Variants in FTCDNL1 observed in about 807,000 individuals in gnomAD.
FTCDNL1 encodes formiminotransferase N-terminal subdomain-containing protein.
Under a neutral mutation model 5.9 loss-of-function variants are expected in FTCDNL1, and 11 were observed. The ratio of observed to expected loss-of-function variants is 1.87; its 90% CI spans 1.18 to 3.10. The LOEUF is 3.10. FTCDNL1 is among the 30% of genes most tolerant of loss of function. The probability of loss-of-function intolerance (pLI) is 0.00; values close to 1 mark genes in which losing one functional copy is unlikely to be tolerated. For synonymous variants in FTCDNL1, 58 were observed against 24.8 expected, an observed-to-expected ratio of 2.34 and a Z score of -3.99; for missense variants, 115 against 65.5, an observed-to-expected ratio of 1.76 and a Z score of -2.61.
intron 3 of FTCDNL1, among the ~76,000 whole-genome samples, chr2:199,767,521 A>C (rs989219444): frequency 1.3e-5 from 2 of 152,212 alleles, no homozygotes; most frequent in Admixed American, 6.5e-5. Flanking sequence ...TCCAAGGTTC[A>C]TATGTTGGAA....
chr2:199,845,180 T>C (rs1574699778), intron 3 of FTCDNL1, among the ~76,000 whole-genome samples: 1 of 152,220 alleles, frequency 6.6e-6, no homozygotes, highest in African/African-American at 2.4e-5. Flanking sequence ...AGTTTTGTGA[T>C]ATTACTCTGA....
At chr2:199,707,532 T>G in the FTCDNL1 span, among the ~76,000 whole-genome samples, 1 of 152,112 alleles carries the variant, frequency 6.6e-6, no homozygotes. Context: ...TCCTCTTTCA[T>G]TCCTTATATT....
the FTCDNL1 span, among the ~76,000 whole-genome samples, chr2:199,730,852 C>A: frequency 6.6e-6 from 1 of 152,138 alleles, no homozygotes; most frequent in Non-Finnish European, 1.5e-5. Context: ...GGTATATACC[C>A]AAAGGATTAT....
the FTCDNL1 span, among the ~76,000 whole-genome samples, chr2:199,736,849 T>C: frequency 6.6e-6 from 1 of 152,146 alleles, no homozygotes; most frequent in Non-Finnish European, 1.5e-5. Context: ...ATTGAACTGG[T>C]AATTTGACTG....
At chr2:199,774,322 C>G (rs1333120890) in intron 3 of FTCDNL1, among the ~76,000 whole-genome samples, 2 of 152,204 alleles carry the variant, frequency 1.3e-5, no homozygotes, top group Admixed American at 6.5e-5. Flanking sequence ...AATTCAGCAT[C>G]TTCAGGATCC....
chr2:199,840,305 G>C (rs1470113991), intron 3 of FTCDNL1, among the ~76,000 whole-genome samples: 1 of 152,172 alleles, frequency 6.6e-6, no homozygotes, highest in African/African-American at 2.4e-5. Flanking sequence ...TCCAGCAAAA[G>C]TATAAAGTTA....
At chr2:199,721,071 G>A in the FTCDNL1 span, among the ~76,000 whole-genome samples, 1 of 152,100 alleles carries the variant, frequency 6.6e-6, no homozygotes, top group Non-Finnish European at 1.5e-5. Flanking sequence ...AATAAATACA[G>A]TTCATAAATT....
chr2:199,747,535 A>G, the FTCDNL1 span, among the ~76,000 whole-genome samples: 2 of 93,558 alleles, frequency 2.1e-5, no homozygotes, highest in Non-Finnish European at 4.2e-5. Flanking sequence ...CCCCCCTCCC[A>G]ATCATTTTAT....
chr2:199,829,144 G>A (rs1702211632), intron 3 of FTCDNL1, among the ~76,000 whole-genome samples: 1 of 152,124 alleles, frequency 6.6e-6, no homozygotes, highest in Non-Finnish European at 1.5e-5. Context: ...AAACAAAACT[G>A]CAGCTTCCTA....
At chr2:199,729,932 T>G in the FTCDNL1 span, among the ~76,000 whole-genome samples, 3 of 152,138 alleles carry the variant, frequency 2.0e-5, no homozygotes, top group Admixed American at 1.3e-4. Flanking sequence ...AGAGACATCA[T>G]GCTACCTGAC....
chr2:199,851,072 C>A lies in FTCDNL1; in HGVS notation c.-340G>T, dbSNP rs2076865420. ...TCTGCGGTTTGGGAGGGGAGCGGAC[C>A]TGCGAGCGCCGAAGGGCGGTGGGGC... On this transcript the variant is annotated 5_prime_UTR_variant, in exon 1 of 5. It adds an upstream start codon to the 5' untranslated region. Transcript: ENST00000420128. The A allele has an allele frequency of 6.8e-6, 1 of 147,868 alleles. No homozygotes were observed. The highest frequency in any genetic ancestry group is 1.5e-5 in the Non-Finnish European group (1 of 65,746). 9.2% of individuals were successfully genotyped at this position (147,868 alleles called of 1,614,324 possible). A position where few individuals can be genotyped will look rare whatever the true frequency, so the allele number is the denominator to read the frequency against.
At chr2:199,823,050 A>G (rs1701795531) in intron 3 of FTCDNL1, among the ~76,000 whole-genome samples, 1 of 152,136 alleles carries the variant, frequency 6.6e-6, no homozygotes, top group South Asian at 2.1e-4. Context: ...GGGTTTCACT[A>G]TGTTGGCCAG....
At chr2:199,676,127 A>G in the FTCDNL1 span, among the ~76,000 whole-genome samples, 1 of 152,162 alleles carries the variant, frequency 6.6e-6, no homozygotes, top group Non-Finnish European at 1.5e-5. Context: ...TCAGTCACAT[A>G]TAGCACCCAG....
chr2:199,688,154 C>A, the FTCDNL1 span, among the ~76,000 whole-genome samples: 1 of 147,924 alleles, frequency 6.8e-6, no homozygotes, highest in Non-Finnish European at 1.5e-5. Context: ...ATCGCTTCAA[C>A]CTTGGATCAG....
the FTCDNL1 span, among the ~76,000 whole-genome samples, chr2:199,675,092 C>T: frequency 1.8e-4 from 27 of 152,264 alleles, 1 homozygote; most frequent in East Asian, 5.0e-3. Flanking sequence ...CTATTGACCC[C>T]TTTTTGTCGA....
At chr2:199,807,964 G>A (rs1215405302), downstream of FTCDNL1, among the ~76,000 whole-genome samples, 1 of 152,082 alleles carries the variant, frequency 6.6e-6, no homozygotes, top group Admixed American at 6.6e-5. Flanking sequence ...GAATTATCGG[G>A]GGTGCATTTC....
At chr2:199,791,761 T>C (rs1029206980) in intron 3 of FTCDNL1, among the ~76,000 whole-genome samples, 3 of 152,228 alleles carry the variant, frequency 2.0e-5, no homozygotes, top group East Asian at 1.9e-4. Flanking sequence ...AAAGGACTAA[T>C]AGTATAAAGA....
chr2:199,741,268 C>T, the FTCDNL1 span, among the ~76,000 whole-genome samples: 2 of 151,992 alleles, frequency 1.3e-5, no homozygotes, highest in Non-Finnish European at 2.9e-5. Context: ...AGAGTGAGAC[C>T]CTGTCTCTCA....
chr2:199,705,688 A>ATGC, the FTCDNL1 span, among the ~76,000 whole-genome samples: 1 of 152,210 alleles, frequency 6.6e-6, no homozygotes, highest in African/African-American at 2.4e-5. Flanking sequence ...AGTCATCGTA[A>ATGC]TGCTAGCTGT....
Sources: allele counts gnomAD v4.1 joint callset (sites outside exome capture counted in the v4.1 genomes callset), GRCh38; gene constraint gnomAD v4.1.1; transcripts MANE v1.5; gene names NCBI Gene and HGNC (gene_info 2026-07-23, HGNC 2026-07-21).